RASSF9: variants seen among roughly 807,000 people sequenced by gnomAD.
RASSF9 encodes Ras association domain family member 9.
Under a neutral mutation model 21.4 loss-of-function variants are expected in RASSF9, and 18 were observed. That is an observed-to-expected ratio of 0.84 (90% CI 0.58 to 1.25). The LOEUF is 1.25. Among genes scored for constraint, RASSF9 ranks in the 50% most tolerant of loss-of-function variants. The pLI is 0.00. For synonymous variants in RASSF9, 183 were observed against 179.1 expected, an observed-to-expected ratio of 1.02 and a Z score of -0.18; for missense variants, 480 against 503.2, an observed-to-expected ratio of 0.95 and a Z score of 0.44.
chr12:85,805,969 GA>G lies in RASSF9; in HGVS notation c.48-8del. The G allele has an allele frequency of 6.3e-7, 1 of 1,596,058 alleles. No individual in the cohort carries two copies. The highest frequency in any genetic ancestry group is 8.5e-7 in the Non-Finnish European group (1 of 1,170,700). ...CATGTCTTTAGTTGGAGATCTGAAA[GA>G]AAAACAAAAGCACATTATATTTCTG... On this transcript the variant is annotated splice_polypyrimidine_tract_variant and splice_region_variant and intron_variant, in intron 1 of 1. Coordinates refer to ENST00000361228, the MANE Select transcript of RASSF9 (RefSeq NM_005447.4).
intron 1 of RASSF9, among the ~76,000 whole-genome samples, chr12:85,811,069 T>C (rs1879943598): frequency 6.6e-6 from 1 of 151,962 alleles, no homozygotes; most frequent in African/African-American, 2.4e-5. Flanking sequence ...TGTCAATAGT[T>C]ATTTTTAAAT....
chr12:85,802,672 T>C lies in RASSF9; in HGVS notation c.*2030A>G, dbSNP rs1879727313. On this transcript the variant is annotated 3_prime_UTR_variant, in exon 2 of 2. Transcript: ENST00000361228. ...TAGTCAAATAGATAAGCATGTTCTT[T>C]CAGTATTTTCTCACTAAAGATAAGA... 1 of 152,168 alleles carries C rather than the reference T, an allele frequency of 6.6e-6. No homozygotes were observed. Among genetic ancestry groups the C allele is most frequent in the Non-Finnish European group, 1.5e-5 (1 of 67,998 alleles). 9.4% of individuals were successfully genotyped at this position (152,168 alleles called of 1,614,324 possible).
At chr12:85,807,533 C>T (rs948789401) in intron 1 of RASSF9, among the ~76,000 whole-genome samples, 2 of 151,914 alleles carry the variant, frequency 1.3e-5, no homozygotes, top group African/African-American at 4.8e-5. Flanking sequence ...TTCCATCAGT[C>T]TAGAAAATAG....
At chr12:85,833,390 C>T (rs79949145) in intron 1 of RASSF9, among the ~76,000 whole-genome samples, 4 of 151,896 alleles carry the variant, frequency 2.6e-5, no homozygotes, top group Non-Finnish European at 4.4e-5. Context: ...GGTGTCTAGA[C>T]AGATATGACC....
rs752715499 is a variant in RASSF9 at position 85,804,714 on chromosome 12, C to G, written c.1296G>C (p.Leu432=). ...GGAGCCATTGGAACTATGTTGACAA[C>G]AGCACCACATCTCCTACTGTTGTTT... ...DSETTVGDVV[L]LST The change falls in exon 2 of 2, where the codon CTG becomes CTC. Residue 432 remains leucine, a synonymous_variant. Coordinates refer to ENST00000361228, the MANE Select transcript of RASSF9 (RefSeq NM_005447.4). 1.3e-6 allele frequency: 2 copies of G among 1,599,322 alleles called. No homozygotes were observed. The highest frequency in any genetic ancestry group is 1.7e-4 in the Middle Eastern group (1 of 5,998).
At chr12:85,825,949 GC>G (rs1880324407) in intron 1 of RASSF9, among the ~76,000 whole-genome samples, 1 of 152,136 alleles carries the variant, frequency 6.6e-6, no homozygotes, top group Non-Finnish European at 1.5e-5. Context: ...CAGCCTGACA[GC>G]CCTGACTGGG....
At chr12:85,817,749 T>C (rs1880107943) in intron 1 of RASSF9, among the ~76,000 whole-genome samples, 1 of 151,948 alleles carries the variant, frequency 6.6e-6, no homozygotes, top group Admixed American at 6.6e-5. Flanking sequence ...ATTCAGAAAA[T>C]TGTCACATAG....
In RASSF9 at chr12:85,828,249, T is replaced by A. The variant is rs139675669; in HGVS notation, c.47+7906A>T. ...GATTTGTGATCTACTTAGAACATCATGTATATTTTTTTCTGAGATGGTAAA... is the reference window on the plus strand; with the variant it reads ...GATTTGTGATCTACTTAGAACATCAAGTATATTTTTTTCTGAGATGGTAAA... On this transcript the variant is annotated intron_variant, in intron 1 of 1. Coordinates refer to ENST00000361228, the MANE Select transcript of RASSF9 (RefSeq NM_005447.4). Among the ~76,000 whole-genome samples, 1,167 of 152,222 alleles carry A rather than the reference T, an allele frequency of 7.7e-3. 8 individuals carry two copies. The highest frequency in any genetic ancestry group is 0.011 in the Non-Finnish European group (780 of 67,982).
chr12:85,824,268 T>C (rs1279106951), intron 1 of RASSF9, among the ~76,000 whole-genome samples: 1 of 152,214 alleles, frequency 6.6e-6, no homozygotes, highest in African/African-American at 2.4e-5. Context: ...GCAAAAATAG[T>C]GTTCCCCACC....
Position 85,805,923 on chromosome 12 carries a change from A to G in RASSF9, c.87T>C (p.Ile29=). The G allele has an allele frequency of 6.2e-7, 1 of 1,612,924 alleles. No homozygotes were observed. Among genetic ancestry groups the G allele is most frequent in the Non-Finnish European group, 8.5e-7 (1 of 1,179,308 alleles). The change falls in exon 2 of 2, where the codon ATT becomes ATC. Residue 29 remains isoleucine, a synonymous_variant. Transcript: ENST00000361228. ...TKDMDSEEKE[I]VVWVCQEEKL... ...TCTCTTCTTGGCAAACCCAAACCAC[A>G]ATTTCCTTCTCTTCTGAATCCATGT...
Position 85,805,222 on chromosome 12 carries a change from C to G in RASSF9, c.788G>C (p.Ser263Thr). The change falls in exon 2 of 2, where the codon AGT becomes ACT. Residue 263 changes from serine (S) to threonine (T), a missense_variant. Ser to Thr is a moderately conservative substitution (Grantham distance 58). Transcript: ENST00000361228. Reference sequence around the variant, plus strand: ...TTCTTCCAGCTGTTCAATTCCATCACTTTCGCTCAGGTCCTCCAGAGTCTG... The same window carrying G: ...TTCTTCCAGCTGTTCAATTCCATCAGTTTCGCTCAGGTCCTCCAGAGTCTG... ...ENQTLEDLSESDGIEQLEERL... is the reference protein window; with the variant it reads ...ENQTLEDLSETDGIEQLEERL... The G allele has an allele frequency of 6.2e-7, 1 of 1,613,838 alleles. No homozygotes were observed. The highest frequency in any genetic ancestry group is 8.5e-7 in the Non-Finnish European group (1 of 1,179,880).
At chr12:85,819,701 A>G (rs1880165918) in intron 1 of RASSF9, among the ~76,000 whole-genome samples, 1 of 152,210 alleles carries the variant, frequency 6.6e-6, no homozygotes, top group Admixed American at 6.5e-5. Context: ...ATTACACAAT[A>G]TATGTGAAGT....
At position 85,802,789 on chromosome 12, in the gene RASSF9, C is replaced by A. The variant is rs1879729574; in HGVS notation, c.*1913G>T. The A allele has an allele frequency of 6.6e-6, 1 of 152,122 alleles. No individual in the cohort carries two copies. Among genetic ancestry groups the A allele is most frequent in the Admixed American group, 6.6e-5 (1 of 15,266 alleles). The allele number at this position is 152,122 out of a possible 1,614,324, so 9.4% of individuals were successfully genotyped here. On this transcript the variant is annotated 3_prime_UTR_variant, in exon 2 of 2. Transcript: ENST00000361228. ...TCTGAATTTGATCCCCATTAGTGAA[C>A]AATGAATATGTCAGTGGCTTATATT...
intron 1 of RASSF9, among the ~76,000 whole-genome samples, chr12:85,827,624 TA>T (rs1438742844): frequency 6.6e-6 from 1 of 152,212 alleles, no homozygotes; most frequent in Admixed American, 6.5e-5. Flanking sequence ...TCCCTACTCG[TA>T]AGCCCCTTAC....
At chr12:85,824,681 T>C (rs1351062547) in intron 1 of RASSF9, among the ~76,000 whole-genome samples, 1 of 152,194 alleles carries the variant, frequency 6.6e-6, no homozygotes, top group Non-Finnish European at 1.5e-5. Flanking sequence ...CTCTAACTCA[T>C]AGCCAAGCAT....
At chr12:85,808,280 C>A (rs781118308) in intron 1 of RASSF9, among the ~76,000 whole-genome samples, 1 of 152,066 alleles carries the variant, frequency 6.6e-6, no homozygotes, top group East Asian at 1.9e-4. Context: ...CAACTCCTAA[C>A]AAAAAATTTC....
Position 85,805,670 on chromosome 12 carries a change from A to G in RASSF9, c.340T>C (p.Leu114=). 5 of 1,613,994 alleles carry G rather than the reference A, an allele frequency of 3.1e-6. No individual in the cohort carries two copies. The highest frequency in any genetic ancestry group is 4.2e-6 in the Non-Finnish European group (5 of 1,179,890). The change falls in exon 2 of 2, where the codon TTG becomes CTG. Residue 114 remains leucine, a synonymous_variant. Coordinates refer to ENST00000361228, the MANE Select transcript of RASSF9 (RefSeq NM_005447.4). ...GGAAGAAAAGCATCTGCTTTAACCA[A>G]AACAAATTGCATATTGGGCTGCTCA... is the stretch of plus-strand genomic sequence containing the variant. ...GDEQPNMQFV[L]VKADAFLPVP...
chr12:85,810,784 T>C (rs1164656870), intron 1 of RASSF9, among the ~76,000 whole-genome samples: 1 of 151,948 alleles, frequency 6.6e-6, no homozygotes, highest in African/African-American at 2.4e-5. Flanking sequence ...TGTAATACCA[T>C]GTAACAAACA....
At chr12:85,820,305 T>A (rs1031889573) in intron 1 of RASSF9, among the ~76,000 whole-genome samples, 1 of 152,202 alleles carries the variant, frequency 6.6e-6, no homozygotes, top group Admixed American at 6.5e-5. Context: ...CAGAGAGTGA[T>A]CTTATGGTTC....
Sources: gnomAD v4.1 joint callset for allele counts (sites outside exome capture counted in the v4.1 genomes callset) on GRCh38, gnomAD v4.1.1 for gene constraint, MANE v1.5 for transcripts, NCBI Gene and HGNC (gene_info 2026-07-23, HGNC 2026-07-21) for gene names.